IRS2: variants seen among roughly 807,000 people sequenced by gnomAD.
IRS2 encodes the protein insulin receptor substrate 2.
Under a neutral mutation model 70.9 loss-of-function variants are expected in IRS2, and 28 were observed. The observed-to-expected ratio is 0.39, with a 90% CI of 0.29 to 0.54. IRS2 has a LOEUF of 0.54. Ranked by LOEUF, IRS2 falls within the 20% of genes least tolerant of loss-of-function variation. The pLI, the probability that IRS2 is intolerant of heterozygous loss-of-function variation, is 0.59. For synonymous variants in IRS2, 1,217 were observed against 981.9 expected (o/e 1.24, Z -4.48); for missense variants, 2,081 against 2,024.1 (o/e 1.03, Z -0.54).
rs2138937822 is a variant in IRS2, at chr13:109,785,235, C to T, written c.819G>A (p.Gln273=). The change falls in exon 1 of 2, where the codon CAG becomes CAA. Residue 273 remains glutamine, a synonymous_variant. Coordinates refer to ENST00000375856, the MANE Select transcript of IRS2 (RefSeq NM_003749.3). The surrounding 1 kb of genome is among the most constrained non-coding windows in gnomAD (Gnocchi z 9.3). Reference sequence around the variant, plus strand: ...TCTGCGCCACCACCGAGTCGTCCGCCTGCATCCACAGCTCGCCGGGGCCTG... The same window carrying T: ...TCTGCGCCACCACCGAGTCGTCCGCTTGCATCCACAGCTCGCCGGGGCCTG... ...AVTGPGELWM[Q]ADDSVVAQNI... 7 of 1,606,722 alleles carry T rather than the reference C, an allele frequency of 4.4e-6. No individual in the cohort carries two copies. The highest frequency in any genetic ancestry group is 5.1e-6 in the Non-Finnish European group (6 of 1,177,480).
At chr13:109,763,423 G>A (rs1304609975) in intron 1 of IRS2, among the ~76,000 whole-genome samples, 1 of 151,322 alleles carries the variant, frequency 6.6e-6, no homozygotes, top group Non-Finnish European at 1.5e-5. Flanking sequence ...CTTAGCTACC[G>A]CTATTCTATT....
At position 109,784,655 on chromosome 13, in the gene IRS2, G is replaced by T; in HGVS notation, c.1399C>A (p.Pro467Thr). ...TGGTGCAGCGGATGCGGCAGAGGCGGGTGCGGGCCGGGCGGCGGCGGGTAG... is the reference window on the plus strand; with the variant it reads ...TGGTGCAGCGGATGCGGCAGAGGCGTGTGCGGGCCGGGCGGCGGCGGGTAG... ...GSYPPPPGPH[P>T]PLPHPLHHGP... The change falls in exon 1 of 2, where the codon CCG becomes ACG. Residue 467 changes from proline (P) to threonine (T), a missense_variant. By Grantham distance (38) the Pro-to-Thr change is conservative. Around this residue, in one of 4 missense-constraint regions of IRS2, gnomAD observed 1,615 missense variants for 1,459.5 expected, o/e 1.11. Transcript: ENST00000375856. The surrounding 1 kb of genome is among the most constrained non-coding windows in gnomAD (Gnocchi z 5.2). The T allele has an allele frequency of 8.0e-7, 1 of 1,252,332 alleles. No individual in the cohort carries two copies. Among genetic ancestry groups the T allele is most frequent in the Non-Finnish European group, 1.0e-6 (1 of 1,001,502 alleles). The allele number at this position is 1,252,332 out of a possible 1,614,324, so 77.6% of individuals were successfully genotyped here.
At chr13:109,780,875 G>A (rs1450842271) in intron 1 of IRS2, among the ~76,000 whole-genome samples, 1 of 151,942 alleles carries the variant, frequency 6.6e-6, no homozygotes, top group East Asian at 1.9e-4. Context: ...TCATCTCCCC[G>A]ACCCCAAACA....
rs1285526117 is a variant in IRS2 at position 109,783,909 on chromosome 13, C to T, written c.2145G>A (p.Ala715=). 7 of 1,545,294 alleles carry T rather than the reference C, an allele frequency of 4.5e-6. No homozygotes were observed. In the South Asian group the frequency reaches 8.3e-5, roughly 18 times the overall value. ...AGPAGPAPTS[A]AGRTFPASGG... is the part of the protein sequence containing the mutation. ...CGCTCGCCGGGAATGTCCTGCCCGC[C>T]GCAGAGGTGGGTGCTGGCCCCGCAG... The change falls in exon 1 of 2, where the codon GCG becomes GCA. Residue 715 remains alanine (A), a synonymous_variant. Coordinates refer to ENST00000375856, the MANE Select transcript of IRS2 (RefSeq NM_003749.3).
intron 1 of IRS2, among the ~76,000 whole-genome samples, chr13:109,758,426 T>A (rs7984010): frequency 0.86 from 130,450 of 152,252 alleles, 55,917 homozygotes; most frequent in Admixed American, 0.89. Context: ...ACAGCTAAAC[T>A]AGTAAGTTCT....
At chr13:109,764,592 T>G (rs975859730) in intron 1 of IRS2, among the ~76,000 whole-genome samples, 20 of 152,238 alleles carry the variant, frequency 1.3e-4, no homozygotes, top group Non-Finnish European at 2.9e-4. Flanking sequence ...TGTATACATG[T>G]AACCACATGC....
In IRS2 at chr13:109,784,379, C is replaced by G. The variant is rs756676746; in HGVS notation, c.1675G>C (p.Val559Leu). 4 of 1,610,294 alleles carry G rather than the reference C, an allele frequency of 2.5e-6. No homozygotes were observed. Among genetic ancestry groups the G allele is most frequent in the African/African-American group, 1.3e-5 (1 of 74,886 alleles). ...LSHCGRSYRRVSGDAAQDLDR... is the reference protein window; with the variant it reads ...LSHCGRSYRRLSGDAAQDLDR... ...AGGTCCTGGGCCGCGTCCCCCGAGA[C>G]CCGGCGGTAGGAGCGGCCACAGTGG... Residue 559 changes from valine to leucine, a missense_variant, in exon 1 of 2, where the codon GTC becomes CTC. Coordinates refer to ENST00000375856, the MANE Select transcript of IRS2 (RefSeq NM_003749.3). The surrounding 1 kb of genome is among the most constrained non-coding windows in gnomAD (Gnocchi z 5.2).
intron 1 of IRS2, among the ~76,000 whole-genome samples, chr13:109,761,211 C>T (rs1877218100): frequency 6.6e-6 from 1 of 152,194 alleles, no homozygotes; most frequent in Admixed American, 6.5e-5. Flanking sequence ...GACATGGGGC[C>T]TCACAGGCCT....
intron 1 of IRS2, among the ~76,000 whole-genome samples, chr13:109,779,271 C>G (rs1331125125): frequency 6.6e-6 from 1 of 152,236 alleles, no homozygotes; most frequent in Non-Finnish European, 1.5e-5. Context: ...CTAACGAGGT[C>G]TTCCCATGCA....
At chr13:109,761,774 T>G (rs1341956931) in intron 1 of IRS2, among the ~76,000 whole-genome samples, 1 of 152,230 alleles carries the variant, frequency 6.6e-6, no homozygotes, top group East Asian at 1.9e-4. Flanking sequence ...TGAGAAAGAC[T>G]GAAAACATTC....
chr13:109,763,798 C>A (rs1326486025), intron 1 of IRS2, among the ~76,000 whole-genome samples: 1 of 152,016 alleles, frequency 6.6e-6, no homozygotes, highest in Non-Finnish European at 1.5e-5. Flanking sequence ...ATTATAAAAC[C>A]TAATTATATT....
In IRS2 at chr13:109,756,106, C is replaced by T. The variant is rs1012135703; in HGVS notation, c.*198G>A. 3.3e-5 allele frequency: 19 copies of T among 571,848 alleles called. No homozygotes were observed. The highest frequency in any genetic ancestry group is 2.8e-4 in the African/African-American group (15 of 53,780). 35.4% of individuals were successfully genotyped at this position (571,848 alleles called of 1,614,324 possible). On this transcript the variant is annotated 3_prime_UTR_variant, in exon 2 of 2. Coordinates refer to ENST00000375856, the MANE Select transcript of IRS2 (RefSeq NM_003749.3). ...ACAGCACAATGATGAATGCCCCATC[C>T]GGGAACAAGGGAAAGAGGCAGGTGA...
chr13:109,767,257 G>C, intron 1 of IRS2, among the ~76,000 whole-genome samples: 1 of 152,110 alleles, frequency 6.6e-6, no homozygotes, highest in Admixed American at 6.5e-5. Flanking sequence ...TGTGCACCCT[G>C]GCTCCTGTCC....
Position 109,754,849 on chromosome 13 carries a change from A to T in IRS2, c.*1455T>A, listed in dbSNP as rs1019597294. Reference sequence around the variant, plus strand: ...TATATTTATATATATTTTTCTAAAAACAAAACAAAACAAAACCAACAACTT... The same window carrying T: ...TATATTTATATATATTTTTCTAAAATCAAAACAAAACAAAACCAACAACTT... On this transcript the variant is annotated 3_prime_UTR_variant, in exon 2 of 2. Coordinates refer to ENST00000375856, the MANE Select transcript of IRS2 (RefSeq NM_003749.3). 5.0e-6 allele frequency: 1 copy of T among 198,286 alleles called. No individual in the cohort carries two copies. Among genetic ancestry groups the T allele is most frequent in the African/African-American group, 2.3e-5 (1 of 43,428 alleles). 12.3% of individuals were successfully genotyped at this position (198,286 alleles called of 1,614,324 possible).
rs767342591 is a variant in IRS2 at position 109,784,080 on chromosome 13, G to C, written c.1974C>G (p.Pro658=). The C allele has an allele frequency of 1.8e-5, 28 of 1,581,252 alleles. No individual in the cohort carries two copies. Among genetic ancestry groups the C allele is most frequent in the Non-Finnish European group, 2.2e-5 (26 of 1,171,118 alleles). ...GADDGYMPMT[P]GAALAGSGSG... ...TCCCACTGCCCGCGAGGGCCGCGCC[G>C]GGCGTCATGGGCATGTAGCCGTCGT... Residue 658 remains proline (P), a synonymous_variant, in exon 1 of 2, where the codon CCC becomes CCG. Transcript: ENST00000375856. This position sits in a 1 kb window ranked among gnomAD's most constrained non-coding sequence, Gnocchi z 5.2.
In IRS2 at chr13:109,784,707, C is replaced by G. The variant is rs1877858227; in HGVS notation, c.1347G>C (p.Ser449=). ...AGCCCGAGCCGTGGCCGCTGCTGGA[C>G]GACAGGGAGCCGGGGCTGGTGGCGG... The part of the protein sequence containing the change: ...PPAATSPGSL[S]SSSGHGSGSY... Residue 449 remains serine, a synonymous_variant, in exon 1 of 2, where the codon TCG becomes TCC. Coordinates refer to ENST00000375856, the MANE Select transcript of IRS2 (RefSeq NM_003749.3). The surrounding 1 kb of genome is among the most constrained non-coding windows in gnomAD (Gnocchi z 5.2). 2.4e-6 allele frequency: 3 copies of G among 1,231,508 alleles called. No individual in the cohort carries two copies. Among genetic ancestry groups the G allele is most frequent in the Non-Finnish European group, 3.0e-6 (3 of 989,222 alleles). The allele number at this position is 1,231,508 out of a possible 1,614,324, so 76.3% of individuals were successfully genotyped here. A position where few individuals can be genotyped will look rare whatever the true frequency, so the allele number is the denominator to read the frequency against.
At chr13:109,773,438 G>A (rs1213017141) in intron 1 of IRS2, among the ~76,000 whole-genome samples, 1 of 152,196 alleles carries the variant, frequency 6.6e-6, no homozygotes, top group Non-Finnish European at 1.5e-5. Flanking sequence ...CTGTCTTAGA[G>A]ACACAGAGAG....
Position 109,784,561 on chromosome 13 carries a change from A to G in IRS2, c.1493T>C (p.Met498Thr), listed in dbSNP as rs1877852377. 1 of 1,430,570 alleles carries G rather than the reference A, an allele frequency of 7.0e-7. No homozygotes were observed. The highest frequency in any genetic ancestry group is 9.1e-7 in the Non-Finnish European group (1 of 1,097,572). The allele number at this position is 1,430,570 out of a possible 1,614,324, so 88.6% of individuals were successfully genotyped here. A position where few individuals can be genotyped will look rare whatever the true frequency, so the allele number is the denominator to read the frequency against. The change falls in exon 1 of 2, where the codon ATG (methionine) becomes ACG (threonine). Residue 498 changes from methionine (M) to threonine (T), a missense_variant. Met to Thr is a moderately conservative substitution (Grantham distance 81, BLOSUM62 -1). Transcript: ENST00000375856. This position sits in a 1 kb window ranked among gnomAD's most constrained non-coding sequence, Gnocchi z 5.2. The part of the protein sequence containing the change: ...ASGSPSDPGF[M>T]SLDEYGSSPG... ...GCTGGAGCCGTACTCGTCCAGGGAC[A>G]TGAAGCCGGGGTCGCTGGGGGAGCC...
Position 109,783,144 on chromosome 13 carries a change from C to G in IRS2, c.2910G>C (p.Arg970=), listed in dbSNP as rs1877775350. ...SGTPGTSSDS[R]QRSPLSDYMN... is the part of the protein sequence containing the mutation. The stretch of plus-strand genomic sequence containing the variant: ...TGTAGTCGGAGAGCGGAGACCGCTG[C>G]CGGCTGTCGCTGCTGGTGCCCGGGG... Residue 970 remains arginine (R), a synonymous_variant, in exon 1 of 2, where the codon CGG becomes CGC. Coordinates refer to ENST00000375856, the MANE Select transcript of IRS2 (RefSeq NM_003749.3). 1 of 1,380,390 alleles carries G rather than the reference C, an allele frequency of 7.2e-7. No individual in the cohort carries two copies. The highest frequency in any genetic ancestry group is 9.3e-7 in the Non-Finnish European group (1 of 1,073,252). The allele number at this position is 1,380,390 out of a possible 1,614,324, so 85.5% of individuals were successfully genotyped here. A position where few individuals can be genotyped will look rare whatever the true frequency, so the allele number is the denominator to read the frequency against.
Sources: allele counts gnomAD v4.1 joint callset (sites outside exome capture counted in the v4.1 genomes callset), GRCh38; gene constraint gnomAD v4.1.1; regional missense constraint gnomAD v4.1.1; non-coding constraint Gnocchi (gnomAD v3.1); transcripts MANE v1.5; gene names NCBI Gene and HGNC (gene_info 2026-07-23, HGNC 2026-07-21).